Variants in USP24 observed in about 807,000 individuals in gnomAD.
USP24 encodes ubiquitin specific peptidase 24, also known as ubiquitin carboxyl-terminal hydrolase 24.
USP24 carries 97 observed loss-of-function variants against 361.6 expected under a neutral mutation model. That is an observed-to-expected ratio of 0.27 (90% confidence interval 0.23 to 0.32). The LOEUF is 0.32. USP24 is among the 10% of genes least tolerant of loss of function. The pLI, the probability that USP24 is intolerant of heterozygous loss-of-function variation, is 1.00. For synonymous variants in USP24, 1,098 were observed against 1,124.6 expected, an observed-to-expected ratio of 0.98 and a Z score of 0.47; for missense variants, 2,353 against 3,165.6, an observed-to-expected ratio of 0.74 and a Z score of 6.16.
intron 10 of USP24, among the ~76,000 whole-genome samples, chr1:55,157,798 C>T (rs984150378): frequency 3.4e-5 from 5 of 148,954 alleles, no homozygotes; most frequent in Non-Finnish European, 7.4e-5. Flanking sequence ...TGTGCCACTG[C>T]ACTCCAGCCT....
chr1:55,123,976 T>G (rs1018098418), intron 35 of USP24, among the ~76,000 whole-genome samples: 3 of 152,236 alleles, frequency 2.0e-5, no homozygotes, highest in African/African-American at 7.2e-5. Context: ...CTTTACTGTC[T>G]GCACTTTACT....
In USP24 at chr1:55,175,980, G is replaced by A. The variant is rs147599281; in HGVS notation, c.558+396C>T. Among the ~76,000 whole-genome samples, 62 of 152,180 alleles carry A rather than the reference G, an allele frequency of 4.1e-4. No homozygotes were observed. In the East Asian group the frequency reaches 8.7e-3, roughly 21 times the overall value. Reference sequence around the variant, plus strand: ...TTCTCCTGTCTCACACACTTAAAATGGCTCATATTTTGATAAGTGTATACT... The same window carrying A: ...TTCTCCTGTCTCACACACTTAAAATAGCTCATATTTTGATAAGTGTATACT... On this transcript the variant is annotated intron_variant, in intron 3 of 67. Transcript: ENST00000294383.
intron 1 of USP24, among the ~76,000 whole-genome samples, chr1:55,193,951 C>T (rs890626458): frequency 6.6e-6 from 1 of 152,096 alleles, no homozygotes; most frequent in Non-Finnish European, 1.5e-5. Flanking sequence ...ATCTCAGGCT[C>T]TAGATTAAGC....
Position 55,154,486 on chromosome 1 carries a change from C to T in USP24, c.1555-20G>A. On this transcript the variant is annotated intron_variant, in intron 13 of 67. Transcript: ENST00000294383. ...CCAGCTCTGTAGAACGGAAAAGACACAGGAATTGCTTCACGATCAAACTGG... is the reference window on the plus strand; with the variant it reads ...CCAGCTCTGTAGAACGGAAAAGACATAGGAATTGCTTCACGATCAAACTGG... 1 of 1,546,862 alleles carries T rather than the reference C, an allele frequency of 6.5e-7. No homozygotes were observed. The highest frequency in any genetic ancestry group is 8.7e-7 in the Non-Finnish European group (1 of 1,145,380).
rs200625035 is a variant in USP24, at chr1:55,134,323, T to C, written c.3287+5A>G. 1.5e-3 allele frequency: 2,379 copies of C among 1,610,840 alleles called. 50 individuals carry two copies. The South Asian group carries it at 0.025, about 17-fold the overall frequency. ...CTGCCAAGCCTCACAAATATTTATA[T>C]TTACCTTGGCTCTTCCAGATTGGCG... On this transcript the variant is annotated splice_donor_5th_base_variant and intron_variant, in intron 29 of 67. Transcript: ENST00000294383.
At position 55,132,561 on chromosome 1, in the gene USP24, A is replaced by T. The variant is rs762857424; in HGVS notation, c.3521T>A (p.Val1174Glu). 5 of 1,613,390 alleles carry T rather than the reference A, an allele frequency of 3.1e-6. No individual in the cohort carries two copies. The highest frequency in any genetic ancestry group is 4.2e-6 in the Non-Finnish European group (5 of 1,179,514). ...SFAPGMSTFR[V>E]LYNLEVLSSK... The stretch of plus-strand genomic sequence containing the variant: ...GTTTCTTACTTCTAAGTTGTAGAGC[A>T]CTCTGAAGGTAGACATTCCCGGGGC... The change falls in exon 31 of 68, where the codon GTG (valine) becomes GAG (glutamate). Residue 1174 changes from valine (V) to glutamate (E), a missense_variant. Physicochemically the swap from Val to Glu is moderately radical, Grantham distance 121 (BLOSUM62 -2). Transcript: ENST00000294383.
intron 20 of USP24, among the ~76,000 whole-genome samples, chr1:55,145,751 A>T (rs971406376): frequency 2.0e-5 from 3 of 152,200 alleles, no homozygotes; most frequent in African/African-American, 7.2e-5. Context: ...TTTTGTACTA[A>T]GAAATTTTAA....
At chr1:55,174,362 T>C (rs1308685404) in intron 3 of USP24, among the ~76,000 whole-genome samples, 1 of 152,160 alleles carries the variant, frequency 6.6e-6, no homozygotes, top group South Asian at 2.1e-4. Flanking sequence ...GAACTCTAGC[T>C]CTTCTGATTT....
chr1:55,159,735 G>A lies in USP24; in HGVS notation c.994-50C>T, dbSNP rs1222657183. On this transcript the variant is annotated intron_variant, in intron 8 of 67. Coordinates refer to ENST00000294383, the MANE Select transcript of USP24 (RefSeq NM_015306.3). ...AAGAACTCCCGAAGCTGTCCCAAAA[G>A]TAGAGAGAGAATACTTCTTCATCTA... 4.1e-6 allele frequency: 6 copies of A among 1,470,092 alleles called. No homozygotes were observed. The Admixed American group carries it at 1.2e-4, about 29-fold the overall frequency. The allele number at this position is 1,470,092 out of a possible 1,614,324, so 91.1% of individuals were successfully genotyped here.
chr1:55,079,264 T>G (rs575778748), intron 60 of USP24, among the ~76,000 whole-genome samples: 1 of 152,238 alleles, frequency 6.6e-6, no homozygotes, highest in Admixed American at 6.5e-5. Flanking sequence ...CCTCTACAAT[T>G]AACGAAATGA....
In USP24 at chr1:55,081,428, T is replaced by C; in HGVS notation, c.6976-4A>G. 6.2e-7 allele frequency: 1 copy of C among 1,613,280 alleles called. No individual in the cohort carries two copies. The highest frequency in any genetic ancestry group is 8.5e-7 in the Non-Finnish European group (1 of 1,179,386). Reference sequence around the variant, plus strand: ...GTGCTGAACTCCATCGACGTATCTGTCATCAGGGAAGATAAAGTGGCTGTT... The same window carrying C: ...GTGCTGAACTCCATCGACGTATCTGCCATCAGGGAAGATAAAGTGGCTGTT... On this transcript the variant is annotated splice_region_variant and splice_polypyrimidine_tract_variant and intron_variant, in intron 58 of 67. Transcript: ENST00000294383.
chr1:55,112,278 T>C (rs1485993826), intron 38 of USP24, among the ~76,000 whole-genome samples: 1 of 152,194 alleles, frequency 6.6e-6, no homozygotes, highest in Non-Finnish European at 1.5e-5. Flanking sequence ...TCTTCTTCAG[T>C]TCTGCTCTGA....
chr1:55,077,263 T>A lies in USP24; in HGVS notation c.7352A>T (p.Asn2451Ile). The A allele has an allele frequency of 6.4e-7, 1 of 1,566,368 alleles. No homozygotes were observed. The highest frequency in any genetic ancestry group is 8.7e-7 in the Non-Finnish European group (1 of 1,151,640). Reference sequence around the variant, plus strand: ...TATTTCATGAAGTAGTTGGAACGTATTCTTTAACTCATGAGGTGGAGCCGT... The same window carrying A: ...TATTTCATGAAGTAGTTGGAACGTAATCTTTAACTCATGAGGTGGAGCCGT... ...LETAPPHELKNTFQLLHEILV... is the reference protein window; with the variant it reads ...LETAPPHELKITFQLLHEILV... Residue 2451 changes from asparagine to isoleucine, a missense_variant, in exon 62 of 68, where the codon AAT (asparagine) becomes ATT (isoleucine). Physicochemically the swap from Asn to Ile is moderately radical, Grantham distance 149. This residue lies in a region of USP24 where 598 missense variants were observed against 761.9 expected (regional missense o/e 0.78). Transcript: ENST00000294383.
At chr1:55,073,753 CAT>C in intron 64 of USP24, 73 bp downstream of exon 64, 1 of 1,385,894 alleles carries the variant, frequency 7.2e-7, no homozygotes, top group African/African-American at 1.4e-5. Flanking sequence ...AAACCGGGCA[CAT>C]GTTCCCCTTC....
At chr1:55,082,177 A>C (rs911949965) in intron 58 of USP24, among the ~76,000 whole-genome samples, 1 of 152,056 alleles carries the variant, frequency 6.6e-6, no homozygotes, top group Non-Finnish European at 1.5e-5. Flanking sequence ...AGGGGAAAAG[A>C]CTCTGGCTTT....
intron 1 of USP24, among the ~76,000 whole-genome samples, chr1:55,192,619 CTAATTTA>C (rs1208489550): frequency 2.6e-5 from 4 of 152,204 alleles, no homozygotes; most frequent in Non-Finnish European, 5.9e-5. Context: ...TTGCAAGTCA[CTAATTTA>C]TAATACCTTT....
At chr1:55,208,779 T>C (rs1338670313) in intron 1 of USP24, among the ~76,000 whole-genome samples, 1 of 150,470 alleles carries the variant, frequency 6.6e-6, no homozygotes, top group Non-Finnish European at 1.5e-5. Flanking sequence ...CTACTAAAAA[T>C]ACAAAAATTA....
chr1:55,106,078 A>G, intron 41 of USP24, 68 bp downstream of exon 41: 1 of 1,240,862 alleles, frequency 8.1e-7, no homozygotes, highest in East Asian at 2.4e-5. Flanking sequence ...AGTTAACAAA[A>G]TCTTTTGGGA....
chr1:55,109,049 T>C (rs908090275), intron 39 of USP24, among the ~76,000 whole-genome samples: 1 of 152,216 alleles, frequency 6.6e-6, no homozygotes, highest in Admixed American at 6.5e-5. Context: ...AGTGCAGTGA[T>C]GCAATCTCTG....
Sources: allele counts gnomAD v4.1 joint callset (sites outside exome capture counted in the v4.1 genomes callset), GRCh38; gene constraint gnomAD v4.1.1; regional missense constraint gnomAD v4.1.1; transcripts MANE v1.5; gene names NCBI Gene and HGNC (gene_info 2026-07-23, HGNC 2026-07-21).